The following DAB1 variants were observed in gnomAD, a reference collection of about 807,000 sequenced individuals.
The protein encoded by DAB1 is DAB adaptor protein 1, also known as disabled homolog 1.
In DAB1, 15 loss-of-function variants were observed where a neutral mutation model predicts 64.6. The ratio of observed to expected loss-of-function variants is 0.23; its 90% CI spans 0.16 to 0.36. The LOEUF (loss-of-function observed/expected upper bound fraction) is 0.36, where lower values mean the gene tolerates loss of function less well. Ranked by LOEUF, DAB1 falls within the 10% of genes least tolerant of loss-of-function variation. The pLI is 1.00. For missense variants in DAB1, 596 were observed against 706.7 expected (o/e 0.84, Z 1.78); for synonymous variants, 235 against 251.9 (o/e 0.93, Z 0.64).
intron 7 of DAB1, among the ~76,000 whole-genome samples, chr1:57,503,889 G>C (rs1644316398): frequency 6.6e-6 from 1 of 152,302 alleles, no homozygotes; most frequent in African/African-American, 2.4e-5. Flanking sequence ...AGTGAAAACA[G>C]TGAAGCCCTG....
At chr1:58,381,036 A>G (rs1193532288) in intron 3 of DAB1, among the ~76,000 whole-genome samples, 1 of 152,238 alleles carries the variant, frequency 6.6e-6, no homozygotes, top group Non-Finnish European at 1.5e-5. Context: ...CAGCAAACTA[A>G]TGCAGGAACA....
At chr1:58,188,070 A>G (rs1370396011) in intron 4 of DAB1, among the ~76,000 whole-genome samples, 1 of 151,610 alleles carries the variant, frequency 6.6e-6, no homozygotes, top group African/African-American at 2.4e-5. Context: ...CACCATGCCC[A>G]GTGAATTTTT....
chr1:57,335,718 C>T (rs10493216), intron 1 of DAB1, among the ~76,000 whole-genome samples: 14,604 of 152,076 alleles, frequency 0.096, 779 homozygotes, highest in Middle Eastern at 0.13. Context: ...TTTGTATTAA[C>T]GAAAATGAGG....
chr1:57,475,811 CTG>C (rs1232082604), intron 7 of DAB1, among the ~76,000 whole-genome samples: 1 of 152,200 alleles, frequency 6.6e-6, no homozygotes, highest in Non-Finnish European at 1.5e-5. Flanking sequence ...AGTGGGGGAA[CTG>C]TGTCTTGTTA....
intron 2 of DAB1, among the ~76,000 whole-genome samples, chr1:57,206,918 ACAACT>A (rs1455794091): frequency 6.7e-6 from 1 of 149,312 alleles, no homozygotes; most frequent in East Asian, 2.0e-4. Context: ...AATGACAAAC[ACAACT>A]CTTCTTTTCT....
intron 6 of DAB1, among the ~76,000 whole-genome samples, chr1:57,729,614 C>A (rs1647324063): frequency 6.6e-6 from 1 of 152,236 alleles, no homozygotes; most frequent in Non-Finnish European, 1.5e-5. Flanking sequence ...ATACATATTT[C>A]AGTGGCTCTC....
intron 1 of DAB1, among the ~76,000 whole-genome samples, chr1:57,341,303 T>G (rs1179021720): frequency 1.3e-5 from 2 of 152,186 alleles, no homozygotes; most frequent in African/African-American, 4.8e-5. Context: ...GCCAGGTTCA[T>G]TCTCTATCAC....
intron 5 of DAB1, among the ~76,000 whole-genome samples, chr1:58,114,627 G>A (rs1279116061): frequency 3.3e-5 from 5 of 152,150 alleles, no homozygotes; most frequent in African/African-American, 9.7e-5. Context: ...ACAAAACAAT[G>A]GCAAAGTAGA....
chr1:57,326,361 C>T (rs1380309236), intron 1 of DAB1, among the ~76,000 whole-genome samples: 1 of 152,196 alleles, frequency 6.6e-6, no homozygotes, highest in Non-Finnish European at 1.5e-5. Flanking sequence ...CTTAATCCAG[C>T]TTTTCCCAAA....
intron 5 of DAB1, among the ~76,000 whole-genome samples, chr1:57,964,578 A>C (rs538441236): frequency 1.3e-5 from 2 of 152,336 alleles, no homozygotes; most frequent in Admixed American, 6.5e-5. Context: ...AATGTGAGGC[A>C]CTACTCATGT....
chr1:57,350,682 G>A (rs544932504), intron 1 of DAB1, among the ~76,000 whole-genome samples: 1 of 152,164 alleles, frequency 6.6e-6, no homozygotes, highest in South Asian at 2.1e-4. Flanking sequence ...TGAAAGAGAA[G>A]TAAATGCCAA....
chr1:57,407,189 G>A (rs866118694), intron 1 of DAB1, among the ~76,000 whole-genome samples: 2 of 152,134 alleles, frequency 1.3e-5, no homozygotes, highest in African/African-American at 2.4e-5. Context: ...TGTTTTCCCC[G>A]CGCCAGTAGG....
At chr1:58,147,427 G>A (rs1654665816) in intron 5 of DAB1, among the ~76,000 whole-genome samples, 1 of 151,608 alleles carries the variant, frequency 6.6e-6, no homozygotes, top group Admixed American at 6.6e-5. Context: ...GACCATCCTG[G>A]CTAACATAGT....
At chr1:58,437,010 C>A (rs552054522) in intron 3 of DAB1, among the ~76,000 whole-genome samples, 25 of 152,240 alleles carry the variant, frequency 1.6e-4, no homozygotes, top group Non-Finnish European at 3.4e-4. Flanking sequence ...GGGACCTCGA[C>A]AACAGCCCAG....
intron 5 of DAB1, among the ~76,000 whole-genome samples, chr1:58,062,759 CT>C (rs1557633062): frequency 6.6e-6 from 1 of 152,188 alleles, no homozygotes; most frequent in Non-Finnish European, 1.5e-5. Flanking sequence ...TTTCTCAGCC[CT>C]GAGATGAGTA....
At chr1:57,686,042 A>T (rs1646693473) in intron 6 of DAB1, among the ~76,000 whole-genome samples, 1 of 152,158 alleles carries the variant, frequency 6.6e-6, no homozygotes, top group East Asian at 1.9e-4. Flanking sequence ...CTAGCAAAAG[A>T]GAATAAATAC....
At chr1:57,394,550 C>T (rs1465113362) in intron 1 of DAB1, among the ~76,000 whole-genome samples, 3 of 152,174 alleles carry the variant, frequency 2.0e-5, no homozygotes, top group Admixed American at 6.5e-5. Flanking sequence ...ATTAGGGATT[C>T]GCACAGAAGG....
intron 2 of DAB1, among the ~76,000 whole-genome samples, chr1:57,174,807 A>G (rs1662129926): frequency 6.6e-6 from 1 of 152,174 alleles, no homozygotes; most frequent in South Asian, 2.1e-4. Flanking sequence ...ACGCTTACTA[A>G]GAATCTCATA....
chr1:58,277,614 T>C (rs896473197), intron 4 of DAB1, among the ~76,000 whole-genome samples: 1 of 152,168 alleles, frequency 6.6e-6, no homozygotes, highest in Non-Finnish European at 1.5e-5. Context: ...GGTGGTGCCA[T>C]TGCTCTGGGA....
Sources: allele counts gnomAD v4.1 joint callset (sites outside exome capture counted in the v4.1 genomes callset), GRCh38; gene constraint gnomAD v4.1.1; transcripts MANE v1.5; gene names NCBI Gene and HGNC (gene_info 2026-07-23, HGNC 2026-07-21).